Variants in USP37 observed in about 807,000 individuals in gnomAD.
The protein encoded by USP37 is ubiquitin specific peptidase 37.
Under a neutral mutation model 124.0 loss-of-function variants are expected in USP37, and 27 were observed. That is an observed-to-expected ratio of 0.22 (90% CI 0.16 to 0.30). The LOEUF (loss-of-function observed/expected upper bound fraction) is 0.30. Among genes scored for constraint, USP37 ranks in the 10% least tolerant of loss-of-function variants. The pLI is 1.00. For synonymous variants in USP37, 365 were observed against 388.0 expected, an observed-to-expected ratio of 0.94 and a Z score of 0.70; for missense variants, 889 against 1,140.4, an observed-to-expected ratio of 0.78 and a Z score of 3.17.
At chr2:218,549,063 T>C (rs563487602) in intron 6 of USP37, among the ~76,000 whole-genome samples, 2 of 152,084 alleles carry the variant, frequency 1.3e-5, no homozygotes, top group Non-Finnish European at 2.9e-5. Flanking sequence ...TGCTTCTGGA[T>C]AGGGATCAGA....
intron 18 of USP37, among the ~76,000 whole-genome samples, chr2:218,478,659 T>C (rs984105006): frequency 9.9e-5 from 15 of 152,180 alleles, no homozygotes; most frequent in African/African-American, 2.7e-4. Flanking sequence ...ACTTGGTACA[T>C]AGAGTGCATT....
chr2:218,489,037 T>C (rs1691756412), intron 14 of USP37, among the ~76,000 whole-genome samples: 1 of 152,082 alleles, frequency 6.6e-6, no homozygotes, highest in Admixed American at 6.6e-5. Context: ...TGATAAATTA[T>C]CAGTTAACAC....
chr2:218,555,501 T>C (rs1448515474), intron 4 of USP37, among the ~76,000 whole-genome samples: 1 of 152,226 alleles, frequency 6.6e-6, no homozygotes, highest in Non-Finnish European at 1.5e-5. Flanking sequence ...ATAAGCAGTT[T>C]AGTATGCAAA....
rs546921366 is a variant in USP37, at chr2:218,513,260, G to T, written c.864-3120C>A. 7.2e-4 allele frequency among the ~76,000 whole-genome samples: 109 copies of T among 152,072 alleles called. 1 individual carries two copies. The highest frequency in any genetic ancestry group is 1.2e-3 in the Non-Finnish European group (83 of 67,960). ...TTGACCAGTTGGTCTCAAATTTCTG[G>T]GCTCAAGTGATACTCTCATCCTGGC... On this transcript the variant is annotated intron_variant, in intron 10 of 25. Transcript: ENST00000258399.
chr2:218,472,243 A>G (rs1297847284), intron 20 of USP37, among the ~76,000 whole-genome samples: 1 of 152,102 alleles, frequency 6.6e-6, no homozygotes, highest in Non-Finnish European at 1.5e-5. Context: ...GAATCAATTC[A>G]ATCACATTTT....
chr2:218,475,189 AGTATTTTCAAT>A (rs1228399247), intron 19 of USP37, among the ~76,000 whole-genome samples: 2 of 152,148 alleles, frequency 1.3e-5, no homozygotes, highest in Non-Finnish European at 2.9e-5. Context: ...AATTACTCTA[AGTATTTTCAAT>A]TTATTTTCTT....
chr2:218,550,534 C>T (rs1303000401), intron 5 of USP37, among the ~76,000 whole-genome samples: 2 of 151,548 alleles, frequency 1.3e-5, no homozygotes, highest in African/African-American at 2.4e-5. Flanking sequence ...CTTTCACAAA[C>T]CTTTTTGTAG....
intron 3 of USP37, among the ~76,000 whole-genome samples, chr2:218,559,803 C>T (rs1406379012): frequency 1.3e-5 from 2 of 152,016 alleles, no homozygotes; most frequent in African/African-American, 2.4e-5. Context: ...ACGGCAAAAA[C>T]CTCATCTCTA....
intron 20 of USP37, among the ~76,000 whole-genome samples, chr2:218,468,041 C>A (rs1371895392): frequency 2.0e-5 from 3 of 149,086 alleles, no homozygotes; most frequent in East Asian, 4.1e-4. Flanking sequence ...GTGTTCACCA[C>A]CACACCTGGC....
chr2:218,460,272 G>A (rs1351247383), intron 22 of USP37, among the ~76,000 whole-genome samples: 4 of 149,636 alleles, frequency 2.7e-5, no homozygotes. Flanking sequence ...AAAAAAAAAA[G>A]TTCTTGGAAT....
intron 11 of USP37, 171 bp from the exon 12 acceptor site, chr2:218,498,328 G>C: frequency 1.8e-6 from 1 of 545,698 alleles, no homozygotes. Context: ...GGACACAAAT[G>C]TGTCCAAAAA....
At chr2:218,456,947 G>A in intron 24 of USP37, 145 bp downstream of exon 24, 1 of 771,054 alleles carries the variant, frequency 1.3e-6, no homozygotes, top group Non-Finnish European at 2.0e-6. Context: ...TCCATCCTGG[G>A]CAACAGAGTG....
intron 14 of USP37, among the ~76,000 whole-genome samples, chr2:218,491,989 C>T (rs1426856514): frequency 6.6e-6 from 1 of 152,046 alleles, no homozygotes. Context: ...GGCTTGAGCC[C>T]ACAAGTGTCA....
chr2:218,529,942 T>G lies in USP37; in HGVS notation c.863+14A>C. On this transcript the variant is annotated intron_variant, in intron 10 of 25. Transcript: ENST00000258399. ...ACTCCTAAGTTTTTCACAAGTAATATAACCAATGCATACCTGTCTAAGTTA... is the reference window on the plus strand; with the variant it reads ...ACTCCTAAGTTTTTCACAAGTAATAGAACCAATGCATACCTGTCTAAGTTA... 1 of 1,583,480 alleles carries G rather than the reference T, an allele frequency of 6.3e-7. No homozygotes were observed. Among genetic ancestry groups the G allele is most frequent in the African/African-American group, 1.4e-5 (1 of 73,066 alleles).
intron 10 of USP37, chr2:218,528,805 A>G (rs889436583): frequency 6.0e-5 from 11 of 182,828 alleles, no homozygotes; most frequent in African/African-American, 5.3e-4. Flanking sequence ...ATAAATCTGA[A>G]AAAAAAAAAA....
intron 23 of USP37, among the ~76,000 whole-genome samples, chr2:218,458,238 C>T (rs1454650073): frequency 2.5e-5 from 3 of 117,724 alleles, no homozygotes; most frequent in Non-Finnish European, 3.3e-5. Flanking sequence ...GCCTGGGTGA[C>T]AGACAGACCT....
chr2:218,531,977 T>C (rs1026003849), intron 9 of USP37, among the ~76,000 whole-genome samples: 7 of 152,214 alleles, frequency 4.6e-5, no homozygotes, highest in Non-Finnish European at 8.8e-5. Context: ...AAAGAAACCA[T>C]GAATATTGTT....
chr2:218,550,635 G>GAA (rs373286666), intron 5 of USP37, among the ~76,000 whole-genome samples: 5 of 97,998 alleles, frequency 5.1e-5, no homozygotes, highest in Non-Finnish European at 8.8e-5. Context: ...AAAGAAAAAA[G>GAA]AAAAAAAAAA....
chr2:218,555,507 G>A (rs1204461377), intron 4 of USP37, among the ~76,000 whole-genome samples: 3 of 152,072 alleles, frequency 2.0e-5, no homozygotes, highest in Non-Finnish European at 4.4e-5. Context: ...AGTTTAGTAT[G>A]CAAAAGGAAA....
Sources: gnomAD v4.1 joint callset for allele counts (sites outside exome capture counted in the v4.1 genomes callset) on GRCh38, gnomAD v4.1.1 for gene constraint, MANE v1.5 for transcripts, NCBI Gene and HGNC (gene_info 2026-07-23, HGNC 2026-07-21) for gene names.